NELL1: variants seen among roughly 807,000 people sequenced by gnomAD.
NELL1 encodes the protein neural EGFL like 1.
Under a neutral mutation model 107.4 loss-of-function variants are expected in NELL1, and 76 were observed. The observed-to-expected ratio is 0.71, with a 90% CI of 0.59 to 0.86. NELL1 has a LOEUF of 0.86. NELL1 is among the 40% of genes least tolerant of loss of function. NELL1 has a pLI of 0.00. For synonymous variants in NELL1, 353 were observed against 341.2 expected (o/e 1.03, Z -0.38); for missense variants, 1,024 against 1,005.5 (o/e 1.02, Z -0.25).
chr11:21,404,457 C>T (rs551877659), intron 15 of NELL1, among the ~76,000 whole-genome samples: 125 of 152,030 alleles, frequency 8.2e-4, no homozygotes, highest in African/African-American at 2.9e-3. Context: ...GATTTACCTT[C>T]TCCAGTTTTG....
At chr11:20,814,966 G>A (rs115440343) in intron 3 of NELL1, among the ~76,000 whole-genome samples, 120 of 152,254 alleles carry the variant, frequency 7.9e-4, no homozygotes, top group African/African-American at 2.6e-3. Flanking sequence ...AACCTTGCCA[G>A]CATCTATTAT....
chr11:20,677,975 C>T lies in NELL1; in HGVS notation c.99C>T (p.Val33=), dbSNP rs1565302947. 1 of 1,614,154 alleles carries T rather than the reference C, an allele frequency of 6.2e-7. No homozygotes were observed. ...GMDPDLQMDI[V]TELDLVNTTL... The stretch of plus-strand genomic sequence containing the variant: ...ACCCTGACCTTCAGATGGATATCGT[C>T]ACCGAGCTTGACCTTGTGAACACCA... The change falls in exon 2 of 20, where the codon GTC becomes GTT. Residue 33 remains valine (V), a synonymous_variant. Transcript: ENST00000357134.
chr11:21,453,200 G>A (rs997713318), intron 15 of NELL1, among the ~76,000 whole-genome samples: 3 of 152,030 alleles, frequency 2.0e-5, no homozygotes, highest in Non-Finnish European at 4.4e-5. Flanking sequence ...ACTGCTGATA[G>A]AACAGTCTTA....
In NELL1 at chr11:20,677,916, C is replaced by G; in HGVS notation, c.56-16C>G. On this transcript the variant is annotated splice_polypyrimidine_tract_variant and intron_variant, in intron 1 of 19. Coordinates refer to ENST00000357134, the MANE Select transcript of NELL1 (RefSeq NM_006157.5). The stretch of plus-strand genomic sequence containing the variant: ...GTCTGCATTTTAAGCCCAAACAACT[C>G]TTTGTTCCTTTCCAGTGGTGGGCTT... The G allele has an allele frequency of 1.2e-6, 2 of 1,613,814 alleles. No individual in the cohort carries two copies. The highest frequency in any genetic ancestry group is 1.7e-6 in the Non-Finnish European group (2 of 1,179,748).
intron 13 of NELL1, among the ~76,000 whole-genome samples, chr11:21,145,302 T>C (rs1400977095): frequency 6.6e-6 from 1 of 152,212 alleles, no homozygotes; most frequent in Non-Finnish European, 1.5e-5. Context: ...AGTGGTAGAA[T>C]TGGTTTATAA....
chr11:21,533,495 T>G (rs1856048016), intron 15 of NELL1, among the ~76,000 whole-genome samples: 2 of 152,192 alleles, frequency 1.3e-5, no homozygotes. Flanking sequence ...GAAATTCTGT[T>G]ACAATGAACT....
chr11:21,466,274 A>T (rs1025004255), intron 15 of NELL1, among the ~76,000 whole-genome samples: 1 of 152,160 alleles, frequency 6.6e-6, no homozygotes, highest in Non-Finnish European at 1.5e-5. Flanking sequence ...TCTGGCGACT[A>T]GACATGGCAC....
At chr11:21,103,055 G>A (rs1854860707) in intron 12 of NELL1, among the ~76,000 whole-genome samples, 1 of 152,144 alleles carries the variant, frequency 6.6e-6, no homozygotes, top group Non-Finnish European at 1.5e-5. Flanking sequence ...GTCTTCTTGA[G>A]TACATTTAGC....
chr11:20,739,557 C>G (rs1454050526), intron 2 of NELL1, among the ~76,000 whole-genome samples: 1 of 152,192 alleles, frequency 6.6e-6, no homozygotes, highest in African/African-American at 2.4e-5. Context: ...GGTAAAAGCA[C>G]TTCACCATTT....
chr11:20,825,669 C>T (rs1362066701), intron 3 of NELL1, among the ~76,000 whole-genome samples: 1 of 151,308 alleles, frequency 6.6e-6, no homozygotes, highest in Non-Finnish European at 1.5e-5. Context: ...TAGGAAGTAA[C>T]TAACTTGCTT....
chr11:20,983,146 A>G (rs1247299638), intron 12 of NELL1, among the ~76,000 whole-genome samples: 1 of 152,132 alleles, frequency 6.6e-6, no homozygotes, highest in Non-Finnish European at 1.5e-5. Context: ...CGCTGTTTAT[A>G]GTTCTGTATC....
intron 11 of NELL1, among the ~76,000 whole-genome samples, chr11:20,953,006 G>T (rs10047415): frequency 0.57 from 86,043 of 152,012 alleles, 27,081 homozygotes; most frequent in Non-Finnish European, 0.72. Flanking sequence ...GGCTTCTCCT[G>T]TGTTATGTGT....
At chr11:21,245,235 T>C (rs1435493102) in intron 14 of NELL1, among the ~76,000 whole-genome samples, 1 of 152,176 alleles carries the variant, frequency 6.6e-6, no homozygotes, top group Non-Finnish European at 1.5e-5. Flanking sequence ...TCTTCCCTGC[T>C]GTGAAATAGC....
chr11:20,674,202 C>T (rs528827741), intron 1 of NELL1, among the ~76,000 whole-genome samples: 9 of 152,226 alleles, frequency 5.9e-5, no homozygotes, highest in South Asian at 2.1e-4. Context: ...GCAAACCCAG[C>T]GTGAGAGGCC....
intron 15 of NELL1, among the ~76,000 whole-genome samples, chr11:21,372,690 G>A (rs1851382763): frequency 6.6e-6 from 1 of 151,466 alleles, no homozygotes; most frequent in South Asian, 2.1e-4. Flanking sequence ...AATATCAGGG[G>A]GTGGTTTCAC....
At chr11:21,289,613 G>C (rs1011504949) in intron 14 of NELL1, among the ~76,000 whole-genome samples, 2 of 152,194 alleles carry the variant, frequency 1.3e-5, no homozygotes, top group Non-Finnish European at 2.9e-5. Context: ...GCTAACTGAA[G>C]GAGTTTTTTT....
chr11:21,243,613 A>G (rs1294442967), intron 14 of NELL1, among the ~76,000 whole-genome samples: 2 of 152,174 alleles, frequency 1.3e-5, no homozygotes, highest in Non-Finnish European at 2.9e-5. Context: ...CGTGAATGCT[A>G]TGAGATTAGT....
At chr11:21,529,183 A>G (rs530174870) in intron 15 of NELL1, among the ~76,000 whole-genome samples, 2 of 152,158 alleles carry the variant, frequency 1.3e-5, no homozygotes, top group South Asian at 4.1e-4. Flanking sequence ...ATGTTGTACT[A>G]TTTTCAATAC....
intron 15 of NELL1, among the ~76,000 whole-genome samples, chr11:21,405,856 C>A (rs917635837): frequency 1.3e-5 from 2 of 151,982 alleles, no homozygotes; most frequent in Admixed American, 6.6e-5. Flanking sequence ...CTTGCAATAT[C>A]CAGGAATGGT....
Sources: gnomAD v4.1 joint callset for allele counts (sites outside exome capture counted in the v4.1 genomes callset) on GRCh38, gnomAD v4.1.1 for gene constraint, MANE v1.5 for transcripts, NCBI Gene and HGNC (gene_info 2026-07-23, HGNC 2026-07-21) for gene names.